Variants in LGR6 observed in about 807,000 individuals in gnomAD.
LGR6 encodes the protein leucine-rich repeat-containing G protein-coupled receptor 6.
A neutral mutation model predicts 69.4 loss-of-function variants in LGR6; 45 were observed. The observed-to-expected ratio is 0.65, with a 90% confidence interval of 0.51 to 0.83. LGR6 has a LOEUF of 0.83. Ranked by LOEUF, LGR6 falls within the 40% of genes least tolerant of loss-of-function variation. The pLI, the probability that LGR6 is intolerant of heterozygous loss-of-function variation, is 0.00. For missense variants in LGR6, 1,108 were observed against 1,246.7 expected, an observed-to-expected ratio of 0.89 and a Z score of 1.68; for synonymous variants, 538 against 555.0, an observed-to-expected ratio of 0.97 and a Z score of 0.43.
At chr1:202,283,098 T>G (rs189886028) in intron 6 of LGR6, among the ~76,000 whole-genome samples, 1 of 152,308 alleles carries the variant, frequency 6.6e-6, no homozygotes, top group African/African-American at 2.4e-5. Context: ...GGCCTGTGGA[T>G]TAAGTGAGAT....
intron 4 of LGR6, among the ~76,000 whole-genome samples, chr1:202,263,993 G>A (rs1664446785): frequency 6.6e-6 from 1 of 152,314 alleles, no homozygotes; most frequent in South Asian, 2.1e-4. Context: ...CAACCGTGGG[G>A]ATGATTGTGT....
chr1:202,243,974 T>A (rs895556051), intron 4 of LGR6, among the ~76,000 whole-genome samples: 4 of 151,272 alleles, frequency 2.6e-5, no homozygotes, highest in African/African-American at 9.8e-5. Flanking sequence ...TTGTTGTTTT[T>A]GAGATGGAGT....
intron 1 of LGR6, among the ~76,000 whole-genome samples, chr1:202,205,030 T>TCCCTCACACACACACA (rs1362410379): frequency 8.3e-5 from 1 of 12,108 alleles, no homozygotes; most frequent in Non-Finnish European, 1.7e-4. Context: ...CTCACACACC[T>TCCCTCACACACACACA]CCTTCAAACA....
Position 202,318,131 on chromosome 1 carries a change from T to G in LGR6, c.1828T>G (p.Leu610Val). 1 of 1,614,144 alleles carries G rather than the reference T, an allele frequency of 6.2e-7. No homozygotes were observed. Among genetic ancestry groups the G allele is most frequent in the Non-Finnish European group, 8.5e-7 (1 of 1,180,024 alleles). ...AGGTGCGATTGCAGGCGCCAACACCTTGACTGGCATTTCCTGTGGCCTTCT... is the reference window on the plus strand; with the variant it reads ...AGGTGCGATTGCAGGCGCCAACACCGTGACTGGCATTTCCTGTGGCCTTCT... ...VVGAIAGANT[L>V]TGISCGLLAS... Residue 610 changes from leucine (L) to valine (V), a missense_variant, in exon 18 of 18, where the codon TTG becomes GTG. By Grantham distance (32) the Leu-to-Val change is conservative. Coordinates refer to ENST00000367278, the MANE Select transcript of LGR6 (RefSeq NM_001017403.2).
At chr1:202,317,218 A>C (rs1451856583) in intron 17 of LGR6, among the ~76,000 whole-genome samples, 7 of 151,676 alleles carry the variant, frequency 4.6e-5, no homozygotes, top group African/African-American at 7.3e-5. Flanking sequence ...CAATTCTGAT[A>C]CCCTCTCCAC....
intron 4 of LGR6, among the ~76,000 whole-genome samples, chr1:202,257,415 A>G (rs1663863125): frequency 6.6e-6 from 1 of 152,188 alleles, no homozygotes; most frequent in South Asian, 2.1e-4. Context: ...GTTGTCTTAT[A>G]AGGATTTAAC....
chr1:202,282,730 C>T (rs1049816011), intron 6 of LGR6, among the ~76,000 whole-genome samples: 1 of 152,206 alleles, frequency 6.6e-6, no homozygotes, highest in African/African-American at 2.4e-5. Context: ...GCTGTTTCTT[C>T]ACTTTTGGGG....
chr1:202,203,907 G>C (rs770242710), intron 1 of LGR6: 26 of 1,535,550 alleles, frequency 1.7e-5, no homozygotes, highest in Admixed American at 3.3e-5. Flanking sequence ...GATCCTCCTT[G>C]GGGGGTGTTT....
At position 202,225,473 on chromosome 1, in the gene LGR6, A is replaced by C. The variant is rs760295025; in HGVS notation, c.263A>C (p.His88Pro). Residue 88 changes from histidine (H) to proline (P), a missense_variant, in exon 2 of 18, where the codon CAC becomes CCC. By Grantham distance (77) the His-to-Pro change is moderately conservative. Transcript: ENST00000367278. ...LTELQPGLFH[H>P]LRFLEELRLS... The stretch of plus-strand genomic sequence containing the variant: ...GAGCTTCAGCCTGGCCTCTTCCACC[A>C]CCTGCGCTTCTTGGAGGAGCTGTGA... The C allele has an allele frequency of 3.7e-6, 6 of 1,613,768 alleles. No homozygotes were observed. Among genetic ancestry groups the C allele is most frequent in the Non-Finnish European group, 5.1e-6 (6 of 1,179,824 alleles).
chr1:202,202,938 T>C (rs1196522187), intron 1 of LGR6, among the ~76,000 whole-genome samples: 3 of 151,990 alleles, frequency 2.0e-5, no homozygotes, highest in African/African-American at 4.8e-5. Context: ...GTGTCTTCCA[T>C]TGCACCAGTG....
At chr1:202,199,386 G>A (rs1385428929) in intron 1 of LGR6, among the ~76,000 whole-genome samples, 4 of 152,082 alleles carry the variant, frequency 2.6e-5, no homozygotes, top group African/African-American at 7.2e-5. Flanking sequence ...GGGGGTCGCC[G>A]GAGGTGGGTG....
chr1:202,270,198 A>G (rs919267430), intron 4 of LGR6, among the ~76,000 whole-genome samples: 6 of 151,836 alleles, frequency 4.0e-5, no homozygotes, highest in Non-Finnish European at 7.4e-5. Context: ...AGACTGGTAG[A>G]GTGAAAAGAA....
chr1:202,241,220 T>C (rs1458176697), intron 4 of LGR6, among the ~76,000 whole-genome samples: 2 of 152,218 alleles, frequency 1.3e-5, no homozygotes, highest in African/African-American at 4.8e-5. Context: ...ATGCACCCCC[T>C]GCCCATGCCC....
chr1:202,245,664 C>T (rs1008380958), intron 4 of LGR6, among the ~76,000 whole-genome samples: 22 of 152,124 alleles, frequency 1.4e-4, no homozygotes, highest in African/African-American at 4.6e-4. Flanking sequence ...AAGAGTACCC[C>T]GGGTGTTGCG....
chr1:202,274,343 C>A (rs1183147360), intron 4 of LGR6, among the ~76,000 whole-genome samples: 2 of 152,172 alleles, frequency 1.3e-5, no homozygotes, highest in African/African-American at 4.8e-5. Flanking sequence ...GAATGTAGTG[C>A]CTGCTCTGGT....
At chr1:202,221,805 C>A (rs1660171843) in intron 1 of LGR6, among the ~76,000 whole-genome samples, 1 of 152,228 alleles carries the variant, frequency 6.6e-6, no homozygotes, top group Admixed American at 6.5e-5. Context: ...ACAACCAAAC[C>A]CCAAGCACCC....
At chr1:202,231,925 T>G (rs1661111438) in intron 3 of LGR6, among the ~76,000 whole-genome samples, 1 of 152,110 alleles carries the variant, frequency 6.6e-6, no homozygotes, top group Non-Finnish European at 1.5e-5. Context: ...AAAGCCCATC[T>G]CCACTAAAAA....
intron 16 of LGR6, among the ~76,000 whole-genome samples, chr1:202,312,941 G>C (rs1653856452): frequency 6.6e-6 from 1 of 152,068 alleles, no homozygotes; most frequent in Non-Finnish European, 1.5e-5. Context: ...GAAAAAAAAA[G>C]TGTAAGGCCG....
intron 3 of LGR6, among the ~76,000 whole-genome samples, chr1:202,229,750 T>C (rs1349367324): frequency 6.6e-6 from 1 of 152,178 alleles, no homozygotes; most frequent in Non-Finnish European, 1.5e-5. Context: ...TGCTCCCCAC[T>C]TTGCCATTGA....
Sources: gnomAD v4.1 joint callset for allele counts (sites outside exome capture counted in the v4.1 genomes callset) on GRCh38, gnomAD v4.1.1 for gene constraint, MANE v1.5 for transcripts, NCBI Gene and HGNC (gene_info 2026-07-23, HGNC 2026-07-21) for gene names.